The following DLC1 variants were observed in gnomAD, a reference collection of about 807,000 sequenced individuals.
The protein encoded by DLC1 is rho GTPase-activating protein 7.
In DLC1, 54 loss-of-function variants were observed where a neutral mutation model predicts 140.3. That is an observed-to-expected ratio of 0.38 (90% CI 0.31 to 0.48). The LOEUF (loss-of-function observed/expected upper bound fraction) is 0.48, where lower values mean the gene tolerates loss of function less well. Among genes scored for constraint, DLC1 ranks in the 20% least tolerant of loss-of-function variants. The pLI is 0.96. For synonymous variants in DLC1, 986 were observed against 728.1 expected, an observed-to-expected ratio of 1.35 and a Z score of -5.70; for missense variants, 2,536 against 1,907.0, an observed-to-expected ratio of 1.33 and a Z score of -6.14.
At chr8:13,178,299 A>G (rs1191779522) in intron 5 of DLC1, among the ~76,000 whole-genome samples, 1 of 152,178 alleles carries the variant, frequency 6.6e-6, no homozygotes, top group Non-Finnish European at 1.5e-5. Flanking sequence ...GCGGTGGCTC[A>G]CGCCTGTAAT....
intron 1 of DLC1, among the ~76,000 whole-genome samples, chr8:13,584,863 C>T (rs755673659): frequency 3.3e-5 from 5 of 152,186 alleles, no homozygotes; most frequent in Non-Finnish European, 5.9e-5. Flanking sequence ...GGTCTCAAAA[C>T]CACATTATAA....
At chr8:13,299,500 G>A (rs771955072) in intron 5 of DLC1, among the ~76,000 whole-genome samples, 16 of 110,100 alleles carry the variant, frequency 1.5e-4, no homozygotes, top group African/African-American at 4.4e-4. Flanking sequence ...TTTTTTTTCT[G>A]GTTAAGCCAT....
At position 13,453,480 on chromosome 8, in the gene DLC1, G is replaced by GTA. The variant is rs1200749614; in HGVS notation, c.1023+45567_1023+45568dup. 3.1e-3 allele frequency among the ~76,000 whole-genome samples: 58 copies of GTA among 18,580 alleles called. 2 individuals carry two copies. Among genetic ancestry groups the GTA allele is most frequent in the East Asian group, 4.3e-3 (4 of 932 alleles). The allele number at this position is 18,580 out of a possible 152,430, so 12.2% of individuals were successfully genotyped here. On this transcript the variant is annotated intron_variant, in intron 2 of 17. Coordinates refer to ENST00000276297, the MANE Select transcript of DLC1 (RefSeq NM_182643.3). ...TATATGTATATATATACATATATAT[G>GTA]TATATATATACATATATATATGTAT...
At chr8:13,516,007 A>C (rs972041432), upstream of DLC1, among the ~76,000 whole-genome samples, 1 of 152,172 alleles carries the variant, frequency 6.6e-6, no homozygotes, top group Non-Finnish European at 1.5e-5. Flanking sequence ...CAGGCTGTGG[A>C]GAGGCCAGTA....
At chr8:13,510,410 C>G (rs1273555281) in intron 1 of DLC1, among the ~76,000 whole-genome samples, 1 of 152,118 alleles carries the variant, frequency 6.6e-6, no homozygotes. Flanking sequence ...TTCTTGACCT[C>G]AGGTGATCTG....
chr8:13,214,102 T>A (rs1410516598), intron 5 of DLC1, among the ~76,000 whole-genome samples: 1 of 152,112 alleles, frequency 6.6e-6, no homozygotes, highest in Non-Finnish European at 1.5e-5. Context: ...GTTTTCTTTA[T>A]AAGAAGATAT....
chr8:13,291,209 A>G (rs1211205211), intron 5 of DLC1, among the ~76,000 whole-genome samples: 2 of 152,174 alleles, frequency 1.3e-5, no homozygotes, highest in Non-Finnish European at 2.9e-5. Flanking sequence ...GCGCCTGGCC[A>G]TGTGCAGACA....
intron 2 of DLC1, among the ~76,000 whole-genome samples, chr8:13,425,122 TAA>T (rs565899163): frequency 3.6e-5 from 5 of 140,190 alleles, no homozygotes; most frequent in Admixed American, 7.2e-5. Flanking sequence ...CAATGTGCAG[TAA>T]AAAAAAAAAA....
intron 5 of DLC1, among the ~76,000 whole-genome samples, chr8:13,132,093 G>A (rs913123000): frequency 1.3e-5 from 2 of 152,054 alleles, no homozygotes; most frequent in Non-Finnish European, 2.9e-5. Flanking sequence ...TCCTCTCTCC[G>A]GCCCAGGAAC....
intron 2 of DLC1, among the ~76,000 whole-genome samples, chr8:13,446,594 G>C (rs1798785704): frequency 6.6e-6 from 1 of 151,888 alleles, no homozygotes; most frequent in Non-Finnish European, 1.5e-5. Context: ...AAAGAAACAA[G>C]GAAGGAACGG....
chr8:13,548,425 G>C (rs1803726875), intron 1 of DLC1, among the ~76,000 whole-genome samples: 1 of 152,028 alleles, frequency 6.6e-6, no homozygotes, highest in Non-Finnish European at 1.5e-5. Flanking sequence ...GTGAAACAGA[G>C]GTGGAATTTG....
intron 4 of DLC1, among the ~76,000 whole-genome samples, chr8:13,334,686 T>A (rs903822787): frequency 2.0e-5 from 3 of 152,050 alleles, no homozygotes; most frequent in Non-Finnish European, 2.9e-5. Flanking sequence ...AAGAGAAGAA[T>A]CAAAAATTCC....
chr8:13,207,589 T>A (rs1377688069), intron 5 of DLC1, among the ~76,000 whole-genome samples: 1 of 152,044 alleles, frequency 6.6e-6, no homozygotes, highest in Non-Finnish European at 1.5e-5. Context: ...AAACTCAACC[T>A]TAAAAATAGA....
chr8:13,205,611 T>TA lies in DLC1; in HGVS notation c.1349-89955dup, dbSNP rs60960616. 5.1e-3 allele frequency among the ~76,000 whole-genome samples: 762 copies of TA among 148,692 alleles called. 10 individuals carry two copies. Among genetic ancestry groups the TA allele is most frequent in the South Asian group, 0.017 (81 of 4,716 alleles). On this transcript the variant is annotated intron_variant, in intron 5 of 17. Coordinates refer to ENST00000276297, the MANE Select transcript of DLC1 (RefSeq NM_182643.3). ...CTAACACTAATGATAGCTGATGAGC[T>TA]AAAAAAAAAATAGCAAAAAATTCTT...
At chr8:13,285,592 C>A (rs1010586292) in intron 5 of DLC1, among the ~76,000 whole-genome samples, 2 of 152,032 alleles carry the variant, frequency 1.3e-5, no homozygotes, top group Non-Finnish European at 2.9e-5. Context: ...TAGGGAAATG[C>A]AAATTAAAGA....
At chr8:13,312,386 A>T (rs28520781) in intron 4 of DLC1, among the ~76,000 whole-genome samples, 1,592 of 81,668 alleles carry the variant, frequency 0.019, 157 homozygotes, top group African/African-American at 0.059. Context: ...AAAAAAAAAA[A>T]AATAATTTCT....
intron 5 of DLC1, among the ~76,000 whole-genome samples, chr8:13,140,534 C>CTT (rs568013642): frequency 6.8e-6 from 1 of 146,128 alleles, no homozygotes; most frequent in Non-Finnish European, 1.5e-5. Flanking sequence ...GCCTGGCCAA[C>CTT]TTTTTTTTTT....
At chr8:13,475,396 G>C (rs1176191111) in intron 2 of DLC1, among the ~76,000 whole-genome samples, 1 of 152,138 alleles carries the variant, frequency 6.6e-6, no homozygotes, top group African/African-American at 2.4e-5. Context: ...TGAGGGCCCA[G>C]TAAAAGGCCA....
intron 5 of DLC1, among the ~76,000 whole-genome samples, chr8:13,216,599 T>C (rs1828210750): frequency 6.6e-6 from 1 of 152,108 alleles, no homozygotes; most frequent in African/African-American, 2.4e-5. Flanking sequence ...TCGTGTCATT[T>C]CCCCTGAGAG....
Sources: allele counts gnomAD v4.1 joint callset (sites outside exome capture counted in the v4.1 genomes callset), GRCh38; gene constraint gnomAD v4.1.1; transcripts MANE v1.5; gene names NCBI Gene and HGNC (gene_info 2026-07-23, HGNC 2026-07-21).